The following CRB2 variants were observed in gnomAD, a reference collection of about 807,000 sequenced individuals.
CRB2 encodes protein crumbs homolog 2.
In CRB2, 85 loss-of-function variants were observed where a neutral mutation model predicts 110.9. The ratio of observed to expected loss-of-function variants is 0.77; its 90% CI spans 0.64 to 0.92. The LOEUF (loss-of-function observed/expected upper bound fraction) is 0.92, where lower values mean the gene tolerates loss of function less well. Ranked by LOEUF, CRB2 falls within the 40% of genes least tolerant of loss-of-function variation. CRB2 has a pLI of 0.00. For missense variants in CRB2, 1,843 were observed against 1,851.3 expected, an observed-to-expected ratio of 1.00 and a Z score of 0.08; for synonymous variants, 907 against 831.0, an observed-to-expected ratio of 1.09 and a Z score of -1.57.
intron 12 of CRB2, 147 bp downstream of exon 12, chr9:123,375,490 C>A: frequency 1.1e-6 from 1 of 879,298 alleles, no homozygotes; most frequent in Non-Finnish European, 1.6e-6. Flanking sequence ...CAGGTCCCTT[C>A]CACACCCCCC....
rs2042140961 is a variant in CRB2, at chr9:123,378,514, G to C, written c.*1452G>C. 1 of 152,292 alleles carries C rather than the reference G, an allele frequency of 6.6e-6. No individual in the cohort carries two copies. Among genetic ancestry groups the C allele is most frequent in the Admixed American group, 6.5e-5 (1 of 15,288 alleles). The allele number at this position is 152,292 out of a possible 1,614,324, so 9.4% of individuals were successfully genotyped here. A position where few individuals can be genotyped will look rare whatever the true frequency, so the allele number is the denominator to read the frequency against. Reference sequence around the variant, plus strand: ...ACGTGGGGGACTGGGACATGGGACTGGGAAGTCAGCAGACGCTGGGATAGA... The same window carrying C: ...ACGTGGGGGACTGGGACATGGGACTCGGAAGTCAGCAGACGCTGGGATAGA... On this transcript the variant is annotated 3_prime_UTR_variant, in exon 13 of 13. Coordinates refer to ENST00000373631, the MANE Select transcript of CRB2 (RefSeq NM_173689.7).
At chr9:123,367,080 G>A (rs2041943136) in intron 4 of CRB2, 92 bp from the exon 5 acceptor site, 2 of 1,349,866 alleles carry the variant, frequency 1.5e-6, no homozygotes, top group Middle Eastern at 1.9e-4. Context: ...CCGAGCTGCG[G>A]TCCCTTGCTG....
intron 1 of CRB2, 70 bp downstream of exon 1, chr9:123,356,424 T>C: frequency 7.8e-7 from 1 of 1,282,328 alleles, no homozygotes. Flanking sequence ...CCCCAAGCCT[T>C]GGCTGCTGGG....
chr9:123,362,874 C>T lies in CRB2; in HGVS notation c.104C>T (p.Pro35Leu), dbSNP rs953693744. 1.9e-6 allele frequency: 3 copies of T among 1,581,864 alleles called. No homozygotes were observed. Among genetic ancestry groups the T allele is most frequent in the Non-Finnish European group, 2.6e-6 (3 of 1,156,102 alleles). The change falls in exon 2 of 13, where the codon CCT becomes CTT. Residue 35 changes from proline (P) to leucine (L), a missense_variant. Coordinates refer to ENST00000373631, the MANE Select transcript of CRB2 (RefSeq NM_173689.7). ...TTTCTTCTTTCTACAGGGACGGTGCCTTCAGAGCCCCCCAGTGCCTGTGCC... is the reference window on the plus strand; with the variant it reads ...TTTCTTCTTTCTACAGGGACGGTGCTTTCAGAGCCCCCCAGTGCCTGTGCC... ...PALSLLAGTV[P>L]SEPPSACASD...
chr9:123,373,272 C>T lies in CRB2; in HGVS notation c.2741C>T (p.Ala914Val), dbSNP rs1221877694. 1.1e-5 allele frequency: 16 copies of T among 1,483,008 alleles called. No homozygotes were observed. In the Admixed American group the frequency reaches 1.2e-4, roughly 11 times the overall value. 91.9% of individuals were successfully genotyped at this position (1,483,008 alleles called of 1,614,324 possible). A position where few individuals can be genotyped will look rare whatever the true frequency, so the allele number is the denominator to read the frequency against. The change falls in exon 10 of 13, where the codon GCG (alanine) becomes GTG (valine). Residue 914 changes from alanine (A) to valine (V), a missense_variant. Ala to Val is a moderately conservative substitution (Grantham distance 64). Transcript: ENST00000373631. Reference protein sequence around the residue: ...DSEAWLLRAAAGALEGVWLAV... With the variant: ...DSEAWLLRAAVGALEGVWLAV... ...GAGGCCTGGCTGCTGCGTGCCGCGG[C>T]GGGCGCCCTGGAAGGCGTGTGGCTG...
rs2042041504 is a variant in CRB2 at position 123,373,170 on chromosome 9, C to T, written c.2639C>T (p.Ala880Val). Residue 880 changes from alanine (A) to valine (V), a missense_variant, in exon 10 of 13, where the codon GCC (alanine) becomes GTC (valine). Coordinates refer to ENST00000373631, the MANE Select transcript of CRB2 (RefSeq NM_173689.7). ...AEATFREGPP[A>V]AFSGHNASSG... ...GCCACGTTCCGCGAGGGTCCCCCCG[C>T]CGCGTTCAGCGGGCACAACGCGTCG... 6.6e-7 allele frequency: 1 copy of T among 1,514,546 alleles called. No individual in the cohort carries two copies. The highest frequency in any genetic ancestry group is 2.0e-5 in the Admixed American group (1 of 48,994). 93.8% of individuals were successfully genotyped at this position (1,514,546 alleles called of 1,614,324 possible). A position where few individuals can be genotyped will look rare whatever the true frequency, so the allele number is the denominator to read the frequency against.
rs760399090 is a variant in CRB2, at chr9:123,371,148, A to C, written c.2006A>C (p.Asn669Thr). The change falls in exon 8 of 13, where the codon AAC (asparagine) becomes ACC (threonine). Residue 669 changes from asparagine to threonine, a missense_variant. Coordinates refer to ENST00000373631, the MANE Select transcript of CRB2 (RefSeq NM_173689.7). Reference sequence around the variant, plus strand: ...CTGCTCCAAGAGCTGCCAGGTCCCAACCTCACAGTGTCTTTCCTTCTCCGC... The same window carrying C: ...CTGCTCCAAGAGCTGCCAGGTCCCACCCTCACAGTGTCTTTCCTTCTCCGC... ...SFLLQELPGPNLTVSFLLRTR... is the reference protein window; with the variant it reads ...SFLLQELPGPTLTVSFLLRTR... 1.9e-6 allele frequency: 3 copies of C among 1,613,408 alleles called. No individual in the cohort carries two copies. Among genetic ancestry groups the C allele is most frequent in the East Asian group, 2.2e-5 (1 of 44,848 alleles).
intron 1 of CRB2, among the ~76,000 whole-genome samples, chr9:123,359,396 C>A (rs1296721502): frequency 6.9e-6 from 1 of 145,690 alleles, no homozygotes; most frequent in Non-Finnish European, 1.5e-5. Context: ...GAAGCTTCCC[C>A]AGTAAATGCT....
chr9:123,363,580 C>T (rs1451668568), intron 2 of CRB2, among the ~76,000 whole-genome samples: 1 of 152,122 alleles, frequency 6.6e-6, no homozygotes, highest in Non-Finnish European at 1.5e-5. Context: ...GTCATGTAGA[C>T]ACTGTCTACA....
chr9:123,372,851 G>A (rs1429961287), intron 9 of CRB2, among the ~76,000 whole-genome samples: 1 of 152,236 alleles, frequency 6.6e-6, no homozygotes, highest in Non-Finnish European at 1.5e-5. Context: ...GCCAGATTCT[G>A]CCAGGAGTTG....
In CRB2 at chr9:123,366,288, G is replaced by C. The variant is rs745315528; in HGVS notation, c.676G>C (p.Glu226Gln). 1.9e-5 allele frequency: 29 copies of C among 1,521,500 alleles called. No individual in the cohort carries two copies. Among genetic ancestry groups the C allele is most frequent in the Middle Eastern group, 2.1e-4 (1 of 4,764 alleles). 94.2% of individuals were successfully genotyped at this position (1,521,500 alleles called of 1,614,324 possible). Residue 226 changes from glutamate (E) to glutamine (Q), a missense_variant, in exon 4 of 13, where the codon GAG (glutamate) becomes CAG (glutamine). By Grantham distance (29) the Glu-to-Gln change is conservative. Coordinates refer to ENST00000373631, the MANE Select transcript of CRB2 (RefSeq NM_173689.7). Reference sequence around the variant, plus strand: ...CACGCACTGCGAGCGGGAGGTGCTGGAGTGCGCATCGGCGCCCTGCGAGCA... The same window carrying C: ...CACGCACTGCGAGCGGGAGGTGCTGCAGTGCGCATCGGCGCCCTGCGAGCA... Reference protein sequence around the residue: ...EGTHCEREVLECASAPCEHNA... With the variant: ...EGTHCEREVLQCASAPCEHNA...
At chr9:123,368,792 C>T in intron 6 of CRB2, 5 of 1,189,030 alleles carry the variant, frequency 4.2e-6, no homozygotes, top group Admixed American at 3.2e-5. Flanking sequence ...CCTGAGCAGG[C>T]TCCGAAGGAG....
chr9:123,370,804 G>A lies in CRB2; in HGVS notation c.1751G>A (p.Arg584His), dbSNP rs535953967. The change falls in exon 7 of 13, where the codon CGT (arginine) becomes CAT (histidine). Residue 584 changes from arginine to histidine, a missense_variant. Arg to His is a conservative substitution (Grantham distance 29, BLOSUM62 0). Transcript: ENST00000373631. ...TTTGCAGGCTGCCTCCAGGACGTGC[G>A]TGTGGATGGCCACCTCCTGCTGCCT... ...ATFAGCLQDV[R>H]VDGHLLLPED... 60 of 1,603,826 alleles carry A rather than the reference G, an allele frequency of 3.7e-5. 1 individual carries two copies. The South Asian group carries it at 5.5e-4, about 15-fold the overall frequency.
In CRB2 at chr9:123,375,396, C is replaced by T. The variant is rs150119879; in HGVS notation, c.3633+53C>T. 5,026 of 1,521,792 alleles carry T rather than the reference C, an allele frequency of 3.3e-3. 37 individuals carry two copies. The highest frequency in any genetic ancestry group is 0.016 in the Middle Eastern group (91 of 5,598). The allele number at this position is 1,521,792 out of a possible 1,614,324, so 94.3% of individuals were successfully genotyped here. Reference sequence around the variant, plus strand: ...TGGACGTGGCCTGCTGGGCCCTTGGCGAGATGCTGCTGGGGAGAGAGCGCA... The same window carrying T: ...TGGACGTGGCCTGCTGGGCCCTTGGTGAGATGCTGCTGGGGAGAGAGCGCA... On this transcript the variant is annotated intron_variant, in intron 12 of 12. Coordinates refer to ENST00000373631, the MANE Select transcript of CRB2 (RefSeq NM_173689.7).
Position 123,377,116 on chromosome 9 carries a change from GA to G in CRB2, c.*55del, listed in dbSNP as rs2042115204. On this transcript the variant is annotated 3_prime_UTR_variant, in exon 13 of 13. Coordinates refer to ENST00000373631, the MANE Select transcript of CRB2 (RefSeq NM_173689.7). Reference sequence around the variant, plus strand: ...GGAGGTCCTGAATGGTTTCTACCTGGAGACCCAAGGAAGCTGCTTCCAGGGC... The same window carrying G: ...GGAGGTCCTGAATGGTTTCTACCTGGGACCCAAGGAAGCTGCTTCCAGGGC... 6 of 1,430,530 alleles carry G rather than the reference GA, an allele frequency of 4.2e-6. No homozygotes were observed. The highest frequency in any genetic ancestry group is 5.6e-6 in the Non-Finnish European group (6 of 1,073,608). 88.6% of individuals were successfully genotyped at this position (1,430,530 alleles called of 1,614,324 possible).
chr9:123,358,214 C>T (rs899109662), intron 1 of CRB2, among the ~76,000 whole-genome samples: 2 of 152,230 alleles, frequency 1.3e-5, no homozygotes, highest in African/African-American at 2.4e-5. Context: ...GCCATGGGCC[C>T]CTGGCTTTTC....
At chr9:123,371,028 T>G in intron 7 of CRB2, 42 bp from the exon 8 acceptor site, 1 of 1,597,360 alleles carries the variant, frequency 6.3e-7, no homozygotes, top group Non-Finnish European at 8.5e-7. Flanking sequence ...TCTGCCTCCC[T>G]CAGCCTGCAG....
At position 123,362,938 on chromosome 9, in the gene CRB2, C is replaced by T. The variant is rs764111965; in HGVS notation, c.168C>T (p.Thr56=). The part of the protein sequence containing the change: ...PCAPGTECQA[T]ESGGYTCGPM... ...CTCCAGGGACCGAGTGCCAGGCTAC[C>T]GAGAGTGGTGGCTATACCTGTGGGC... Residue 56 remains threonine (T), a synonymous_variant, in exon 2 of 13, where the codon ACC becomes ACT. Transcript: ENST00000373631. 1.4e-5 allele frequency: 23 copies of T among 1,605,500 alleles called. No individual in the cohort carries two copies. Among genetic ancestry groups the T allele is most frequent in the South Asian group, 6.6e-5 (6 of 90,964 alleles).
rs2042141393 is a variant in CRB2 at position 123,378,544 on chromosome 9, G to C, written c.*1482G>C. 6.6e-6 allele frequency: 1 copy of C among 152,284 alleles called. No individual in the cohort carries two copies. Among genetic ancestry groups the C allele is most frequent in the African/African-American group, 2.4e-5 (1 of 41,458 alleles). 9.4% of individuals were successfully genotyped at this position (152,284 alleles called of 1,614,324 possible). Reference sequence around the variant, plus strand: ...GTCAGCAGACGCTGGGATAGAGAGGGCCCTGAACACCAGGCTCAGGGGCTT... The same window carrying C: ...GTCAGCAGACGCTGGGATAGAGAGGCCCCTGAACACCAGGCTCAGGGGCTT... On this transcript the variant is annotated 3_prime_UTR_variant, in exon 13 of 13. Coordinates refer to ENST00000373631, the MANE Select transcript of CRB2 (RefSeq NM_173689.7).
Sources: gnomAD v4.1 joint callset for allele counts (sites outside exome capture counted in the v4.1 genomes callset) on GRCh38, gnomAD v4.1.1 for gene constraint, MANE v1.5 for transcripts, NCBI Gene and HGNC (gene_info 2026-07-23, HGNC 2026-07-21) for gene names.